Variants in C5 observed in about 807,000 individuals in gnomAD.
C5 encodes complement C5.
A neutral mutation model predicts 218.8 loss-of-function variants in C5; 140 were observed. The observed-to-expected ratio is 0.64, with a 90% CI of 0.56 to 0.74. C5 has a LOEUF of 0.74. Ranked by LOEUF, C5 falls within the 30% of genes least tolerant of loss-of-function variation. The pLI, the probability that C5 is intolerant of heterozygous loss-of-function variation, is 0.00. For missense variants in C5, 1,700 were observed against 1,969.6 expected (o/e 0.86, Z 2.59); for synonymous variants, 614 against 682.3 (o/e 0.90, Z 1.56).
chr9:121,067,022 T>C, the C5 span, among the ~76,000 whole-genome samples: 2 of 151,956 alleles, frequency 1.3e-5, no homozygotes, highest in African/African-American at 4.8e-5. Flanking sequence ...TCTCAATACT[T>C]TGGGAGGCTG....
intron 18 of C5, among the ~76,000 whole-genome samples, chr9:121,008,013 T>C (rs865935729): frequency 6.6e-6 from 1 of 152,212 alleles, no homozygotes; most frequent in African/African-American, 2.4e-5. Flanking sequence ...AGGAAGTGTT[T>C]CCTTAAAATG....
chr9:121,043,251 T>C (rs1325586719), intron 2 of C5, 85 bp from the exon 3 acceptor site: 1 of 1,088,990 alleles, frequency 9.2e-7, no homozygotes, highest in African/African-American at 1.6e-5. Flanking sequence ...TGTAATCTCA[T>C]TAGAACAATC....
At position 120,974,694 on chromosome 9, in the gene C5, G is replaced by A. The variant is rs1286159369; in HGVS notation, c.4017+85C>T. Reference sequence around the variant, plus strand: ...TCAATATATGTTTAAGTAGTGAAGAGATAGATTTATAAAATAAAGAGTGGA... The same window carrying A: ...TCAATATATGTTTAAGTAGTGAAGAAATAGATTTATAAAATAAAGAGTGGA... On this transcript the variant is annotated intron_variant, in intron 30 of 40. Coordinates refer to ENST00000223642, the MANE Select transcript of C5 (RefSeq NM_001735.3). 50 of 1,240,788 alleles carry A rather than the reference G, an allele frequency of 4.0e-5. No individual in the cohort carries two copies. In the East Asian group the frequency reaches 9.8e-4, roughly 24 times the overall value. 76.9% of individuals were successfully genotyped at this position (1,240,788 alleles called of 1,614,324 possible).
chr9:121,010,080 G>C, intron 17 of C5, among the ~76,000 whole-genome samples: 1 of 152,224 alleles, frequency 6.6e-6, no homozygotes, highest in Non-Finnish European at 1.5e-5. Flanking sequence ...GGCAGTCTAG[G>C]CCACAAGGAC....
the C5 span, among the ~76,000 whole-genome samples, chr9:121,058,993 G>T: frequency 6.6e-6 from 1 of 152,336 alleles, no homozygotes; most frequent in African/African-American, 2.4e-5. Context: ...AACTGAAAAG[G>T]TGAGAGGTGG....
At position 120,975,063 on chromosome 9, in the gene C5, G is replaced by T. The variant is rs569681002; in HGVS notation, c.3865-132C>A. ...AACTCCAGCTGACTCAGTAAGACTG[G>T]TTAAGAGCCCCATTGTGGAGGTGGA... On this transcript the variant is annotated intron_variant, in intron 29 of 40. Coordinates refer to ENST00000223642, the MANE Select transcript of C5 (RefSeq NM_001735.3). 7 of 950,828 alleles carry T rather than the reference G, an allele frequency of 7.4e-6. No homozygotes were observed. In the East Asian group the frequency reaches 1.7e-4, roughly 23 times the overall value. The allele number at this position is 950,828 out of a possible 1,614,324, so 58.9% of individuals were successfully genotyped here. A position where few individuals can be genotyped will look rare whatever the true frequency, so the allele number is the denominator to read the frequency against.
rs1164824336 is a variant in C5 at position 120,999,919 on chromosome 9, C to T, written c.2563-2145G>A. ...TTAAAATGCTGTCAAGTTGGCTGGG[C>T]ATGGTGGTGTGTGCCTGTAATCCCA... On this transcript the variant is annotated intron_variant, in intron 20 of 40. Transcript: ENST00000223642. 1.3e-5 allele frequency: 6 copies of T among 449,920 alleles called. No homozygotes were observed. The Admixed American group carries it at 1.4e-4, about 11-fold the overall frequency. The allele number at this position is 449,920 out of a possible 1,614,324, so 27.9% of individuals were successfully genotyped here.
chr9:121,070,947 T>C, the C5 span, among the ~76,000 whole-genome samples: 1 of 152,218 alleles, frequency 6.6e-6, no homozygotes, highest in Non-Finnish European at 1.5e-5. Context: ...CCAACCACTA[T>C]ACATTTATAT....
intron 20 of C5, among the ~76,000 whole-genome samples, chr9:121,002,205 T>C (rs1030135300): frequency 9.1e-5 from 8 of 87,436 alleles, no homozygotes; most frequent in Non-Finnish European, 1.4e-4. Flanking sequence ...TACGTATATA[T>C]GTATATATAC....
At chr9:121,071,265 A>G in the C5 span, among the ~76,000 whole-genome samples, 21 of 152,328 alleles carry the variant, frequency 1.4e-4, no homozygotes, top group African/African-American at 4.6e-4. Flanking sequence ...GGTTGCAGTG[A>G]GCCATGATCG....
chr9:121,071,472 C>T, the C5 span, among the ~76,000 whole-genome samples: 1 of 151,772 alleles, frequency 6.6e-6, no homozygotes, highest in Admixed American at 6.6e-5. Flanking sequence ...ATCGCTTGAG[C>T]CCAGGAGTTT....
At chr9:121,055,670 C>G in the C5 span, among the ~76,000 whole-genome samples, 1 of 152,200 alleles carries the variant, frequency 6.6e-6, no homozygotes, top group African/African-American at 2.4e-5. Flanking sequence ...GGACTTGGTC[C>G]TGGCAGGATT....
chr9:120,987,132 C>T (rs1343071238), intron 25 of C5, among the ~76,000 whole-genome samples: 1 of 152,184 alleles, frequency 6.6e-6, no homozygotes, highest in Non-Finnish European at 1.5e-5. Context: ...GAATTTGGCA[C>T]ATATTGTGCT....
At chr9:121,020,242 C>G in intron 11 of C5, 63 bp from the exon 12 acceptor site, 1 of 1,189,202 alleles carries the variant, frequency 8.4e-7, no homozygotes, top group Admixed American at 1.7e-5. Context: ...TAAAACATAC[C>G]TTTCAAATTA....
intron 25 of C5, among the ~76,000 whole-genome samples, chr9:120,987,955 G>A (rs991378462): frequency 1.4e-4 from 21 of 152,018 alleles, no homozygotes; most frequent in African/African-American, 4.6e-4. Context: ...ACTACGCCCA[G>A]CTAATTTTTG....
chr9:120,989,099 G>A lies in C5; in HGVS notation c.3177C>T (p.Tyr1059=), dbSNP rs201586724. ...LKEGMLSIMS[Y]RNADYSYSVW... ...CACTGTAAGAGTAGTCAGCATTTCT[G>A]TAGGACATAATGCTCAACATCCCTA... Residue 1059 remains tyrosine, a synonymous_variant, in exon 25 of 41, where the codon TAC becomes TAT. Transcript: ENST00000223642. The A allele has an allele frequency of 1.8e-5, 29 of 1,613,652 alleles. No homozygotes were observed. Among genetic ancestry groups the A allele is most frequent in the Non-Finnish European group, 2.4e-5 (28 of 1,179,572 alleles).
rs777157197 is a variant in C5 at position 121,025,475 on chromosome 9, C to G, written c.979G>C (p.Val327Leu). 1.2e-6 allele frequency: 2 copies of G among 1,610,250 alleles called. No homozygotes were observed. Among genetic ancestry groups the G allele is most frequent in the Non-Finnish European group, 8.5e-7 (1 of 1,178,690 alleles). The change falls in exon 9 of 41, where the codon GTA (valine) becomes CTA (leucine). Residue 327 changes from valine (V) to leucine (L), a missense_variant. Val to Leu is a conservative substitution (Grantham distance 32). Transcript: ENST00000223642. ...DLNNKYLYIA[V>L]TVIESTGGFS... is the part of the protein sequence containing the mutation. ...TTACCTGTAGACTCTATGACTGTTA[C>G]AGCAATATAAAGGTACTTGTTGTTT...
the C5 span, among the ~76,000 whole-genome samples, chr9:121,066,444 GGTAAA>G: frequency 1.3e-5 from 2 of 151,672 alleles, no homozygotes; most frequent in African/African-American, 4.8e-5. Flanking sequence ...AATAACTTTA[GGTAAA>G]CAGAACTCAC....
At chr9:121,062,166 G>A in the C5 span, among the ~76,000 whole-genome samples, 1 of 151,948 alleles carries the variant, frequency 6.6e-6, no homozygotes, top group African/African-American at 2.4e-5. Flanking sequence ...TCAGTGCCCC[G>A]GCTTGCTCAG....
Sources: gnomAD v4.1 joint callset for allele counts (sites outside exome capture counted in the v4.1 genomes callset) on GRCh38, gnomAD v4.1.1 for gene constraint, MANE v1.5 for transcripts, NCBI Gene and HGNC (gene_info 2026-07-23, HGNC 2026-07-21) for gene names.